Variants in GRID2 observed in about 807,000 individuals in gnomAD.
GRID2 encodes glutamate ionotropic receptor delta type subunit 2, also known as glutamate receptor ionotropic, delta-2.
In GRID2, 33 loss-of-function variants were observed where a neutral mutation model predicts 114.8. The ratio of observed to expected loss-of-function variants is 0.29; its 90% CI spans 0.22 to 0.38. The LOEUF (loss-of-function observed/expected upper bound fraction) is 0.38. Ranked by LOEUF, GRID2 falls within the 10% of genes least tolerant of loss-of-function variation. The probability of loss-of-function intolerance (pLI) is 1.00; values close to 1 mark genes in which losing one functional copy is unlikely to be tolerated. For missense variants in GRID2, 1,184 were observed against 1,257.7 expected (o/e 0.94, Z 0.89); for synonymous variants, 505 against 449.9 (o/e 1.12, Z -1.55).
At chr4:92,370,903 A>T (rs982691669) in intron 1 of GRID2, among the ~76,000 whole-genome samples, 1 of 152,178 alleles carries the variant, frequency 6.6e-6, no homozygotes, top group Non-Finnish European at 1.5e-5. Flanking sequence ...AAAGTTCTAG[A>T]AAACGGAACG....
rs373862988 is a variant in GRID2 at position 92,950,469 on chromosome 4, T to G, written c.245-134526T>G. ...ATCCCAAGGCCTGTTGCTTTAGACA[T>G]ATACGTGATTTTTTTAGTCCAACTT... On this transcript the variant is annotated intron_variant, in intron 2 of 15. Transcript: ENST00000282020. Among the ~76,000 whole-genome samples the G allele has an allele frequency of 4.6e-5, 7 of 152,302 alleles. No homozygotes were observed. In the East Asian group the frequency reaches 9.6e-4, roughly 21 times the overall value.
At position 92,404,165 on chromosome 4, in the gene GRID2, A is replaced by G. The variant is rs192033576; in HGVS notation, c.88+99421A>G. Among the ~76,000 whole-genome samples, 8 of 152,326 alleles carry G rather than the reference A, an allele frequency of 5.3e-5. No homozygotes were observed. In the East Asian group the frequency reaches 1.5e-3, roughly 29 times the overall value. ...ATTTGTAGAAAATCAATTTCTGCAA[A>G]GAGCAGTAAAGTTTAACACAATAAA... On this transcript the variant is annotated intron_variant, in intron 1 of 15. Coordinates refer to ENST00000282020, the MANE Select transcript of GRID2 (RefSeq NM_001510.4).
chr4:92,455,847 T>A (rs530267368), intron 1 of GRID2, among the ~76,000 whole-genome samples: 8 of 152,324 alleles, frequency 5.3e-5, no homozygotes, highest in Admixed American at 4.6e-4. Flanking sequence ...TAGTAAATTG[T>A]ATGATCTTAT....
chr4:93,234,356 T>C lies in GRID2; in HGVS notation c.1126-4015T>C, dbSNP rs985596846. Among the ~76,000 whole-genome samples, 10 of 152,206 alleles carry C rather than the reference T, an allele frequency of 6.6e-5. No homozygotes were observed. In the East Asian group the frequency reaches 1.7e-3, roughly 26 times the overall value. On this transcript the variant is annotated intron_variant, in intron 7 of 15. Transcript: ENST00000282020. ...TGTTATATTGAACACACAGTTTACA[T>C]AGTCCAAAGGAAAAAATACGAGACA...
At chr4:93,379,150 G>A (rs1046828805) in intron 8 of GRID2, among the ~76,000 whole-genome samples, 4 of 151,802 alleles carry the variant, frequency 2.6e-5, no homozygotes, top group African/African-American at 7.3e-5. Context: ...TCATAGTAAG[G>A]CTTTATTATA....
At chr4:93,066,523 C>G (rs963823909) in intron 2 of GRID2, among the ~76,000 whole-genome samples, 1 of 151,884 alleles carries the variant, frequency 6.6e-6, no homozygotes, top group Non-Finnish European at 1.5e-5. Flanking sequence ...CCCTCGTTTA[C>G]AGGGAATACA....
intron 2 of GRID2, among the ~76,000 whole-genome samples, chr4:92,903,638 T>A (rs1747744952): frequency 6.6e-6 from 1 of 151,934 alleles, no homozygotes; most frequent in Non-Finnish European, 1.5e-5. Context: ...CTTGGGATTT[T>A]TAATGGGAAT....
At chr4:92,876,884 T>A (rs1745675389) in intron 2 of GRID2, among the ~76,000 whole-genome samples, 1 of 152,174 alleles carries the variant, frequency 6.6e-6, no homozygotes, top group Non-Finnish European at 1.5e-5. Context: ...TTATAAAATA[T>A]AGAAGTGAGA....
intron 14 of GRID2, among the ~76,000 whole-genome samples, chr4:93,728,927 T>C (rs1366543644): frequency 6.6e-6 from 1 of 152,182 alleles, no homozygotes. Context: ...TGATGGGTAT[T>C]GACTCTTTTT....
intron 1 of GRID2, among the ~76,000 whole-genome samples, chr4:92,481,024 G>A (rs1330007421): frequency 7.9e-5 from 12 of 152,096 alleles, no homozygotes; most frequent in Non-Finnish European, 1.5e-4. Flanking sequence ...GACAAGGGTA[G>A]TAAGTATGAT....
intron 2 of GRID2, among the ~76,000 whole-genome samples, chr4:92,895,798 A>G (rs909422827): frequency 5.3e-5 from 8 of 152,148 alleles, no homozygotes; most frequent in Non-Finnish European, 1.2e-4. Context: ...GGGAGTAACA[A>G]TGTTGAATAA....
At chr4:93,608,296 C>CTTTTTTTTTTTTTTTATTTT (rs774334616) in intron 13 of GRID2, among the ~76,000 whole-genome samples, 1 of 117,016 alleles carries the variant, frequency 8.5e-6, no homozygotes, top group African/African-American at 3.4e-5. Flanking sequence ...ATTTTTTTTT[C>CTTTTTTTTTTTTTTTATTTT]TTTTTTTTTT....
rs1310747497 is a variant in GRID2 at position 93,363,840 on chromosome 4, A to AAT, written c.1246-31762_1246-31761dup. ...TAAGAGAAAATATTAGTTAATAGAA[A>AAT]ATATATGTATATATAGTCATCCAAA... On this transcript the variant is annotated intron_variant, in intron 8 of 15. Transcript: ENST00000282020. 1.2e-3 allele frequency among the ~76,000 whole-genome samples: 175 copies of AAT among 151,088 alleles called. 2 individuals carry two copies. Among genetic ancestry groups the AAT allele is most frequent in the African/African-American group, 3.5e-3 (146 of 41,310 alleles).
chr4:92,948,681 G>A (rs1751819439), intron 2 of GRID2, among the ~76,000 whole-genome samples: 1 of 151,606 alleles, frequency 6.6e-6, no homozygotes, highest in South Asian at 2.1e-4. Context: ...AATTTTTTAG[G>A]GAATGGAACT....
Position 93,619,468 on chromosome 4 carries a change from C to G in GRID2, c.2194-6801C>G, listed in dbSNP as rs538372906. On this transcript the variant is annotated intron_variant, in intron 13 of 15. Coordinates refer to ENST00000282020, the MANE Select transcript of GRID2 (RefSeq NM_001510.4). The stretch of plus-strand genomic sequence containing the variant: ...CCTGTGATTCACAATCACATTATCC[C>G]CCACTGACCATTAGTTAAAATTGGA... Among the ~76,000 whole-genome samples the G allele has an allele frequency of 2.6e-5, 4 of 152,292 alleles. No homozygotes were observed. The East Asian group carries it at 5.8e-4, about 22-fold the overall frequency.
intron 2 of GRID2, among the ~76,000 whole-genome samples, chr4:92,599,028 C>CTTTTTTTTTTTTTTTT (rs79836874): frequency 8.7e-6 from 1 of 115,290 alleles, no homozygotes; most frequent in African/African-American, 3.4e-5. Context: ...AATGCTTTTC[C>CTTTTTTTTTTTTTTTT]TTTTTTTTTT....
At chr4:93,706,829 TATA>T (rs1276474062) in intron 14 of GRID2, among the ~76,000 whole-genome samples, 3 of 152,154 alleles carry the variant, frequency 2.0e-5, no homozygotes, top group Admixed American at 6.6e-5. Context: ...TCCCATTCAG[TATA>T]ATATTAGCTG....
intron 2 of GRID2, among the ~76,000 whole-genome samples, chr4:92,995,035 G>A (rs1003147397): frequency 6.6e-6 from 1 of 151,980 alleles, no homozygotes; most frequent in Non-Finnish European, 1.5e-5. Flanking sequence ...ACACACAACT[G>A]TCCTTGGAGG....
intron 2 of GRID2, among the ~76,000 whole-genome samples, chr4:92,955,302 G>A (rs1752319982): frequency 1.3e-5 from 2 of 151,372 alleles, no homozygotes; most frequent in Non-Finnish European, 2.9e-5. Flanking sequence ...TTTAATGATT[G>A]CCATTCTAAC....
Sources: allele counts gnomAD v4.1 joint callset (sites outside exome capture counted in the v4.1 genomes callset), GRCh38; gene constraint gnomAD v4.1.1; transcripts MANE v1.5; gene names NCBI Gene and HGNC (gene_info 2026-07-23, HGNC 2026-07-21).